Variants in PIK3C2G observed in about 807,000 individuals in gnomAD.
PIK3C2G encodes phosphatidylinositol-4-phosphate 3-kinase catalytic subunit type 2 gamma, also known as phosphatidylinositol 3-kinase C2 domain-containing subunit gamma.
In PIK3C2G, 168 loss-of-function variants were observed where a neutral mutation model predicts 181.1. The observed-to-expected ratio is 0.93, with a 90% CI of 0.82 to 1.05. The LOEUF (loss-of-function observed/expected upper bound fraction) is 1.05, where lower values mean the gene tolerates loss of function less well. Ranked by LOEUF, PIK3C2G falls within the 50% of genes least tolerant of loss-of-function variation. PIK3C2G has a pLI of 0.00. For missense variants in PIK3C2G, 1,869 were observed against 1,732.8 expected (o/e 1.08, Z -1.40); for synonymous variants, 573 against 592.2 (o/e 0.97, Z 0.47).
chr12:18,370,045 C>T (rs568313962), intron 12 of PIK3C2G, among the ~76,000 whole-genome samples: 39 of 150,208 alleles, frequency 2.6e-4, no homozygotes, highest in Non-Finnish European at 4.2e-4. Flanking sequence ...GATCATATAA[C>T]GATCGTATAA....
At chr12:18,542,256 G>A (rs556135619) in intron 25 of PIK3C2G, among the ~76,000 whole-genome samples, 14 of 151,928 alleles carry the variant, frequency 9.2e-5, no homozygotes, top group African/African-American at 3.4e-4. Flanking sequence ...TCTTAGTACA[G>A]AACTAGTAAG....
chr12:18,297,079 T>C (rs766320064), intron 5 of PIK3C2G, among the ~76,000 whole-genome samples: 1 of 152,064 alleles, frequency 6.6e-6, no homozygotes, highest in Non-Finnish European at 1.5e-5. Context: ...ACAGGAATTA[T>C]ATCTTTTCTT....
chr12:18,494,193 C>T (rs1940815311), intron 20 of PIK3C2G, among the ~76,000 whole-genome samples: 2 of 152,164 alleles, frequency 1.3e-5, no homozygotes, highest in Non-Finnish European at 2.9e-5. Flanking sequence ...TTCCAATCTA[C>T]TTTATAACTA....
chr12:18,457,021 A>G (rs1226211101), intron 18 of PIK3C2G, among the ~76,000 whole-genome samples: 2 of 152,160 alleles, frequency 1.3e-5, no homozygotes, highest in Non-Finnish European at 2.9e-5. Context: ...ATCAAAAAAA[A>G]TGGTGACTTT....
intron 26 of PIK3C2G, among the ~76,000 whole-genome samples, chr12:18,550,241 T>C (rs543107561): frequency 4.7e-4 from 72 of 152,212 alleles, no homozygotes; most frequent in African/African-American, 1.7e-3. Flanking sequence ...CTGAGATCTA[T>C]CATTTGTATA....
At chr12:18,543,570 G>A (rs1322763441) in intron 25 of PIK3C2G, among the ~76,000 whole-genome samples, 1 of 151,904 alleles carries the variant, frequency 6.6e-6, no homozygotes, top group Non-Finnish European at 1.5e-5. Context: ...TTTTATATAT[G>A]GTGTAAGGAA....
At chr12:18,554,791 T>G (rs775388562) in intron 26 of PIK3C2G, among the ~76,000 whole-genome samples, 8 of 152,150 alleles carry the variant, frequency 5.3e-5, no homozygotes, top group Non-Finnish European at 7.4e-5. Context: ...GCCGAACTAC[T>G]GATTTTCTTT....
intron 17 of PIK3C2G, among the ~76,000 whole-genome samples, chr12:18,423,229 C>A (rs1488832503): frequency 2.0e-5 from 3 of 151,692 alleles, no homozygotes; most frequent in Non-Finnish European, 4.4e-5. Flanking sequence ...GTCTCTCAAG[C>A]AGGAATGGGC....
chr12:18,591,978 G>A (rs1947106690), intron 29 of PIK3C2G, among the ~76,000 whole-genome samples: 1 of 151,794 alleles, frequency 6.6e-6, no homozygotes, highest in South Asian at 2.1e-4. Context: ...GGGGTGAGGA[G>A]AACAGAGAGT....
chr12:18,352,251 T>G (rs1940288861), intron 11 of PIK3C2G, among the ~76,000 whole-genome samples: 2 of 152,218 alleles, frequency 1.3e-5, no homozygotes, highest in African/African-American at 2.4e-5. Flanking sequence ...TAAAGTCCCT[T>G]CTGTTTACCA....
chr12:18,440,109 A>G (rs889927837), intron 18 of PIK3C2G, among the ~76,000 whole-genome samples: 3 of 152,086 alleles, frequency 2.0e-5, no homozygotes, highest in African/African-American at 7.2e-5. Context: ...AATTAGAATA[A>G]TAATATTTAC....
intron 32 of PIK3C2G, among the ~76,000 whole-genome samples, chr12:18,646,376 C>G (rs1359119778): frequency 6.6e-6 from 1 of 152,084 alleles, no homozygotes; most frequent in Non-Finnish European, 1.5e-5. Flanking sequence ...AAGAGGTAGC[C>G]AAGAACACTC....
intron 25 of PIK3C2G, among the ~76,000 whole-genome samples, chr12:18,541,436 T>TA (rs1944147962): frequency 6.6e-6 from 1 of 151,892 alleles, no homozygotes; most frequent in South Asian, 2.1e-4. Context: ...TTTCTCTCAT[T>TA]AAAAAATCAA....
intron 25 of PIK3C2G, among the ~76,000 whole-genome samples, chr12:18,545,942 C>T (rs12301772): frequency 0.21 from 32,381 of 151,596 alleles, 3,518 homozygotes; most frequent in African/African-American, 0.26. Context: ...ATTTTAAAAA[C>T]GAGAAAATGA....
chr12:18,671,084 GGAGAATTACTT>G, the PIK3C2G span, among the ~76,000 whole-genome samples: 3 of 151,652 alleles, frequency 2.0e-5, no homozygotes, highest in East Asian at 5.8e-4. Context: ...GGCTGAGGCA[GGAGAATTACTT>G]GAGCCTGGGA....
intron 18 of PIK3C2G, among the ~76,000 whole-genome samples, chr12:18,458,644 G>A (rs1030145079): frequency 1.3e-5 from 2 of 152,134 alleles, no homozygotes; most frequent in East Asian, 1.9e-4. Flanking sequence ...ATTATACAGA[G>A]TGGGCCCAAC....
At chr12:18,589,793 T>C (rs982239587) in intron 29 of PIK3C2G, among the ~76,000 whole-genome samples, 1 of 152,012 alleles carries the variant, frequency 6.6e-6, no homozygotes, top group African/African-American at 2.4e-5. Context: ...TGTCTTTTCT[T>C]TTTTCCACAA....
intron 31 of PIK3C2G, among the ~76,000 whole-genome samples, chr12:18,624,850 G>A (rs536357298): frequency 1.3e-5 from 2 of 151,684 alleles, no homozygotes; most frequent in Non-Finnish European, 1.5e-5. Context: ...AGTCTCTTGT[G>A]ATCTTTTGTA....
intron 29 of PIK3C2G, 135 bp downstream of exon 29, chr12:18,567,192 G>A (rs1945686144): frequency 1.8e-6 from 1 of 569,860 alleles, no homozygotes; most frequent in Non-Finnish European, 3.1e-6. Context: ...AAAGCCAGGA[G>A]TTTAAGTCAA....
Sources: allele counts gnomAD v4.1 joint callset (sites outside exome capture counted in the v4.1 genomes callset), GRCh38; gene constraint gnomAD v4.1.1; transcripts MANE v1.5; gene names NCBI Gene and HGNC (gene_info 2026-07-23, HGNC 2026-07-21).